Variants in CNTNAP5 observed in about 807,000 individuals in gnomAD.
CNTNAP5 encodes the protein contactin-associated protein-like 5.
A neutral mutation model predicts 150.2 loss-of-function variants in CNTNAP5; 72 were observed. The observed-to-expected ratio is 0.48, with a 90% CI of 0.40 to 0.58. CNTNAP5 has a LOEUF of 0.58. CNTNAP5 is among the 20% of genes least tolerant of loss of function. The pLI is 0.00. For synonymous variants in CNTNAP5, 672 were observed against 619.8 expected (o/e 1.08, Z -1.25); for missense variants, 1,636 against 1,626.2 (o/e 1.01, Z -0.10).
At chr2:124,307,987 C>T (rs746806177) in intron 3 of CNTNAP5, among the ~76,000 whole-genome samples, 4 of 152,068 alleles carry the variant, frequency 2.6e-5, no homozygotes, top group African/African-American at 4.8e-5. Context: ...AGAGAAACAC[C>T]GCTCTGAAAG....
At chr2:124,888,610 T>C (rs1678128694) in intron 21 of CNTNAP5, among the ~76,000 whole-genome samples, 1 of 152,246 alleles carries the variant, frequency 6.6e-6, no homozygotes, top group African/African-American at 2.4e-5. Flanking sequence ...TCAATGTTTG[T>C]TGTTTTTTGA....
At chr2:124,609,736 T>C (rs1677338067) in intron 11 of CNTNAP5, 65 bp from the exon 12 acceptor site, 2 of 1,565,916 alleles carry the variant, frequency 1.3e-6, no homozygotes, top group East Asian at 2.3e-5. Context: ...TAGGAGTTAC[T>C]GATTCCTGCA....
chr2:124,152,644 G>A (rs953035328), intron 1 of CNTNAP5, among the ~76,000 whole-genome samples: 5 of 151,974 alleles, frequency 3.3e-5, no homozygotes, highest in African/African-American at 9.7e-5. Context: ...GAGAGCTGGA[G>A]AGAATTCAGA....
chr2:124,387,547 T>C (rs1376485761), intron 3 of CNTNAP5, among the ~76,000 whole-genome samples: 2 of 151,988 alleles, frequency 1.3e-5, no homozygotes. Context: ...GCGGGCAGGG[T>C]GGATCTCACA....
chr2:124,044,267 A>G (rs1351696962), intron 1 of CNTNAP5, among the ~76,000 whole-genome samples: 1 of 152,164 alleles, frequency 6.6e-6, no homozygotes, highest in African/African-American at 2.4e-5. Context: ...TACTTTTTAG[A>G]TGAATAAATT....
At chr2:124,034,314 C>T (rs924851677) in intron 1 of CNTNAP5, among the ~76,000 whole-genome samples, 1 of 152,172 alleles carries the variant, frequency 6.6e-6, no homozygotes. Context: ...TGGATTTTCT[C>T]ATAATAACTA....
At chr2:124,332,157 CTTGT>C (rs1436200362) in intron 3 of CNTNAP5, among the ~76,000 whole-genome samples, 2 of 151,456 alleles carry the variant, frequency 1.3e-5, no homozygotes, top group African/African-American at 2.4e-5. Flanking sequence ...TTCTTTCTAC[CTTGT>C]TTATTTCTGT....
chr2:124,250,130 A>C (rs1339344153), intron 3 of CNTNAP5, among the ~76,000 whole-genome samples: 1 of 152,136 alleles, frequency 6.6e-6, no homozygotes, highest in Non-Finnish European at 1.5e-5. Flanking sequence ...GAGGGTAGTC[A>C]CCTCATATGA....
chr2:124,466,225 A>T (rs372434546), intron 6 of CNTNAP5, among the ~76,000 whole-genome samples: 1 of 152,142 alleles, frequency 6.6e-6, no homozygotes, highest in East Asian at 1.9e-4. Context: ...CTTCAGCAGA[A>T]TAGTGTAACT....
At chr2:124,130,375 A>T (rs896513121) in intron 1 of CNTNAP5, among the ~76,000 whole-genome samples, 1 of 152,024 alleles carries the variant, frequency 6.6e-6, no homozygotes, top group African/African-American at 2.4e-5. Context: ...CTCAGGCTCA[A>T]TTCCCACTGT....
intron 3 of CNTNAP5, among the ~76,000 whole-genome samples, chr2:124,387,189 T>C (rs1000699182): frequency 2.6e-5 from 4 of 152,232 alleles, no homozygotes; most frequent in Non-Finnish European, 5.9e-5. Flanking sequence ...AAACCCTAGT[T>C]GTGGCCTGAT....
At position 124,304,174 on chromosome 2, in the gene CNTNAP5, T is replaced by C. The variant is rs1360480918; in HGVS notation, c.381+61781T>C. 2.0e-5 allele frequency among the ~76,000 whole-genome samples: 3 copies of C among 152,226 alleles called. No homozygotes were observed. In the East Asian group the frequency reaches 5.8e-4, roughly 29 times the overall value. ...TAGCAACTTTATAAGTTGTATACTTTGGCAACAAGGATAATTGAATAAATA... is the reference window on the plus strand; with the variant it reads ...TAGCAACTTTATAAGTTGTATACTTCGGCAACAAGGATAATTGAATAAATA... On this transcript the variant is annotated intron_variant, in intron 3 of 23. Coordinates refer to ENST00000682447, the MANE Select transcript of CNTNAP5 (RefSeq NM_001367498.1).
intron 10 of CNTNAP5, among the ~76,000 whole-genome samples, chr2:124,548,983 A>T (rs560123168): frequency 5.9e-5 from 9 of 152,290 alleles, no homozygotes; most frequent in East Asian, 5.8e-4. Flanking sequence ...CTGGGGCACA[A>T]GGGGATGGTC....
rs185740240 is a variant in CNTNAP5 at position 124,561,547 on chromosome 2, T to G, written c.1650-1670T>G. Among the ~76,000 whole-genome samples the G allele has an allele frequency of 3.4e-4, 52 of 152,122 alleles. 1 individual carries two copies. The highest frequency in any genetic ancestry group is 2.3e-3 in the East Asian group (12 of 5,174). On this transcript the variant is annotated intron_variant, in intron 10 of 23. Coordinates refer to ENST00000682447, the MANE Select transcript of CNTNAP5 (RefSeq NM_001367498.1). ...GACCACTTTTTTGTTTGTTTGTTTGTTTGGTTGTTTTGTGTGAATACATCC... is the reference window on the plus strand; with the variant it reads ...GACCACTTTTTTGTTTGTTTGTTTGGTTGGTTGTTTTGTGTGAATACATCC...
rs569074657 is a variant in CNTNAP5 at position 124,139,958 on chromosome 2, G to A, written c.83-81747G>A. ...CACCGTGCACGAGCCGAAGCAGGGC[G>A]AGGCATTGCCTCACTCGGGAAGCGC... On this transcript the variant is annotated intron_variant, in intron 1 of 23. Coordinates refer to ENST00000682447, the MANE Select transcript of CNTNAP5 (RefSeq NM_001367498.1). Among the ~76,000 whole-genome samples, 231 of 152,282 alleles carry A rather than the reference G, an allele frequency of 1.5e-3. 2 individuals are homozygous for A. Among genetic ancestry groups the A allele is most frequent in the African/African-American group, 5.3e-3 (219 of 41,562 alleles).
At chr2:124,252,899 AT>A (rs1687222062) in intron 3 of CNTNAP5, among the ~76,000 whole-genome samples, 1 of 152,106 alleles carries the variant, frequency 6.6e-6, no homozygotes, top group Non-Finnish European at 1.5e-5. Flanking sequence ...TTAAATGTAA[AT>A]GTAAAGATGT....
At chr2:124,654,963 T>A (rs566991606) in intron 13 of CNTNAP5, among the ~76,000 whole-genome samples, 1 of 151,964 alleles carries the variant, frequency 6.6e-6, no homozygotes, top group African/African-American at 2.4e-5. Flanking sequence ...CTATCATCTT[T>A]TTATTATTAT....
At chr2:124,102,272 G>T (rs939051246) in intron 1 of CNTNAP5, among the ~76,000 whole-genome samples, 1 of 152,304 alleles carries the variant, frequency 6.6e-6, no homozygotes, top group East Asian at 1.9e-4. Flanking sequence ...AAAGAAAAGA[G>T]TAATAGTAAG....
intron 1 of CNTNAP5, among the ~76,000 whole-genome samples, chr2:124,088,872 C>T (rs1228545687): frequency 6.6e-6 from 1 of 152,182 alleles, no homozygotes; most frequent in African/African-American, 2.4e-5. Flanking sequence ...GCAGGTTCAC[C>T]ACTCGGCCTT....
Sources: allele counts gnomAD v4.1 joint callset (sites outside exome capture counted in the v4.1 genomes callset), GRCh38; gene constraint gnomAD v4.1.1; transcripts MANE v1.5; gene names NCBI Gene and HGNC (gene_info 2026-07-23, HGNC 2026-07-21).